The following PRKG1 variants were observed in gnomAD, a reference collection of about 807,000 sequenced individuals.
The protein encoded by PRKG1 is protein kinase cGMP-dependent 1.
Under a neutral mutation model 88.1 loss-of-function variants are expected in PRKG1, and 35 were observed. The ratio of observed to expected loss-of-function variants is 0.40; its 90% CI spans 0.30 to 0.53. The LOEUF is 0.53. Among genes scored for constraint, PRKG1 ranks in the 20% least tolerant of loss-of-function variants. The pLI is 0.59. For missense variants in PRKG1, 540 were observed against 839.8 expected, an observed-to-expected ratio of 0.64 and a Z score of 4.41; for synonymous variants, 303 against 292.5, an observed-to-expected ratio of 1.04 and a Z score of -0.37.
At chr10:51,560,398 T>G (rs1327882007) in intron 3 of PRKG1, among the ~76,000 whole-genome samples, 1 of 152,156 alleles carries the variant, frequency 6.6e-6, no homozygotes, top group African/African-American at 2.4e-5. Flanking sequence ...ACATATTACT[T>G]CTTTTAAAAA....
chr10:51,639,154 G>C (rs1839730291), intron 3 of PRKG1, among the ~76,000 whole-genome samples: 1 of 151,924 alleles, frequency 6.6e-6, no homozygotes, highest in Non-Finnish European at 1.5e-5. Context: ...GACATGAGAG[G>C]CTGGGCACGG....
At chr10:51,313,371 A>G (rs1174656908) in intron 2 of PRKG1, among the ~76,000 whole-genome samples, 1 of 152,116 alleles carries the variant, frequency 6.6e-6, no homozygotes, top group Non-Finnish European at 1.5e-5. Context: ...CTCCTCTCCT[A>G]TTCAGAGTCT....
chr10:52,094,815 T>C (rs533113540), intron 7 of PRKG1, among the ~76,000 whole-genome samples: 2 of 152,298 alleles, frequency 1.3e-5, no homozygotes, highest in South Asian at 2.1e-4. Flanking sequence ...ACTACACTCA[T>C]GGCCTCATGT....
At chr10:51,747,216 C>T (rs1038371652) in intron 3 of PRKG1, among the ~76,000 whole-genome samples, 1 of 152,198 alleles carries the variant, frequency 6.6e-6, no homozygotes, top group Non-Finnish European at 1.5e-5. Flanking sequence ...CTGCAGTTCA[C>T]AGTTATTATC....
intron 3 of PRKG1, among the ~76,000 whole-genome samples, chr10:51,510,471 A>G (rs1387718616): frequency 2.0e-5 from 3 of 152,136 alleles, no homozygotes; most frequent in Non-Finnish European, 4.4e-5. Context: ...AATGAAAGTT[A>G]TGTTTATACT....
chr10:51,332,510 A>C (rs1841767279), intron 2 of PRKG1, among the ~76,000 whole-genome samples: 2 of 152,340 alleles, frequency 1.3e-5, no homozygotes, highest in South Asian at 4.1e-4. Context: ...GCCAAAATTT[A>C]GGTAAAACTA....
chr10:52,068,001 G>A (rs1379772900), intron 7 of PRKG1, among the ~76,000 whole-genome samples: 1 of 107,740 alleles, frequency 9.3e-6, no homozygotes, highest in East Asian at 2.5e-4. Flanking sequence ...TCAGGAGATC[G>A]AGACCATCCT....
intron 5 of PRKG1, among the ~76,000 whole-genome samples, chr10:51,969,915 A>G (rs889586922): frequency 2.6e-5 from 4 of 151,870 alleles, no homozygotes; most frequent in Non-Finnish European, 5.9e-5. Context: ...AAAATAGTTA[A>G]AACAGTATAA....
At chr10:52,191,718 G>T (rs187623554) in intron 9 of PRKG1, among the ~76,000 whole-genome samples, 1 of 152,122 alleles carries the variant, frequency 6.6e-6, no homozygotes, top group South Asian at 2.1e-4. Context: ...ACATGAAGTT[G>T]GATCAGTGAA....
intron 2 of PRKG1, among the ~76,000 whole-genome samples, chr10:51,268,180 C>T (rs531999900): frequency 6.6e-6 from 1 of 152,160 alleles, no homozygotes; most frequent in East Asian, 1.9e-4. Flanking sequence ...TCACAGAGAT[C>T]ACAAGGCAAA....
chr10:52,045,740 G>A (rs1468427776), intron 5 of PRKG1, among the ~76,000 whole-genome samples: 3 of 151,778 alleles, frequency 2.0e-5, no homozygotes, highest in African/African-American at 7.3e-5. Context: ...GTCCACATTT[G>A]GGTTTCTACC....
chr10:52,281,747 C>T lies in PRKG1; in HGVS notation c.1546-406C>T, dbSNP rs548170687. Among the ~76,000 whole-genome samples the T allele has an allele frequency of 2.0e-5, 3 of 152,162 alleles. 1 individual carries two copies. The highest frequency in any genetic ancestry group is 3.9e-4 in the East Asian group (2 of 5,180). ...AAATAATTAATACTAAATGAATTGTCGCCTTCATTAAATCCAGCAGAAATC... is the reference window on the plus strand; with the variant it reads ...AAATAATTAATACTAAATGAATTGTTGCCTTCATTAAATCCAGCAGAAATC... On this transcript the variant is annotated intron_variant, in intron 13 of 17. Transcript: ENST00000373980.
chr10:51,729,974 G>A (rs1404903819), intron 3 of PRKG1, among the ~76,000 whole-genome samples: 1 of 152,032 alleles, frequency 6.6e-6, no homozygotes, highest in African/African-American at 2.4e-5. Flanking sequence ...CCCACACCAC[G>A]GTGGTACGTT....
At chr10:52,014,068 TC>T (rs1479174154) in intron 5 of PRKG1, among the ~76,000 whole-genome samples, 1 of 152,022 alleles carries the variant, frequency 6.6e-6, no homozygotes, top group African/African-American at 2.4e-5. Flanking sequence ...AAACTTGGTG[TC>T]AGGAGTGGGA....
intron 1 of PRKG1, among the ~76,000 whole-genome samples, chr10:51,025,991 C>G (rs1004545458): frequency 1.1e-4 from 16 of 151,948 alleles, no homozygotes; most frequent in Non-Finnish European, 4.4e-5. Context: ...GACTGATGTC[C>G]TCATAAAAAG....
At chr10:51,161,381 T>C (rs1478237006) in intron 2 of PRKG1, among the ~76,000 whole-genome samples, 1 of 152,200 alleles carries the variant, frequency 6.6e-6, no homozygotes, top group Non-Finnish European at 1.5e-5. Flanking sequence ...GTAATGTTCT[T>C]AATACTCATC....
chr10:51,426,141 G>T (rs1282486024), intron 2 of PRKG1, among the ~76,000 whole-genome samples: 1 of 152,096 alleles, frequency 6.6e-6, no homozygotes, highest in Non-Finnish European at 1.5e-5. Context: ...GCCAGATGTG[G>T]TGATGCGCAC....
chr10:51,406,437 A>G (rs1421926890), intron 2 of PRKG1, among the ~76,000 whole-genome samples: 1 of 152,172 alleles, frequency 6.6e-6, no homozygotes, highest in Non-Finnish European at 1.5e-5. Flanking sequence ...AGAACTGATT[A>G]ATCTTGGCCC....
chr10:52,259,725 A>G (rs1841389247), intron 10 of PRKG1, among the ~76,000 whole-genome samples: 1 of 152,096 alleles, frequency 6.6e-6, no homozygotes, highest in Non-Finnish European at 1.5e-5. Context: ...AAGAAGTTCA[A>G]ATAAATAAGT....
Sources: allele counts gnomAD v4.1 joint callset (sites outside exome capture counted in the v4.1 genomes callset), GRCh38; gene constraint gnomAD v4.1.1; transcripts MANE v1.5; gene names NCBI Gene and HGNC (gene_info 2026-07-23, HGNC 2026-07-21).